The following GTF2E1 variants were observed in gnomAD, a reference collection of about 807,000 sequenced individuals.
GTF2E1 encodes TFIIE alpha subunit.
GTF2E1 carries 14 observed loss-of-function variants against 34.9 expected under a neutral mutation model. The observed-to-expected ratio is 0.40, with a 90% CI of 0.27 to 0.63. The LOEUF is 0.63. Among genes scored for constraint, GTF2E1 ranks in the 20% least tolerant of loss-of-function variants. The pLI is 0.39. For missense variants in GTF2E1, 469 were observed against 557.7 expected (o/e 0.84, Z 1.60); for synonymous variants, 188 against 192.9 (o/e 0.97, Z 0.21).
intron 1 of GTF2E1, among the ~76,000 whole-genome samples, chr3:120,744,918 C>T (rs1217156823): frequency 1.3e-5 from 2 of 150,884 alleles, no homozygotes; most frequent in African/African-American, 4.8e-5. Context: ...AGCAGGGCAC[C>T]ATTAATCACT....
At chr3:120,758,581 C>CA (rs1190652707) in intron 2 of GTF2E1, among the ~76,000 whole-genome samples, 1 of 110,838 alleles carries the variant, frequency 9.0e-6, no homozygotes, top group East Asian at 2.6e-4. Context: ...CAGCCTCCCA[C>CA]CCCCGACAGG....
chr3:120,771,080 A>G (rs1483296315), intron 3 of GTF2E1, 151 bp downstream of exon 3: 18 of 692,880 alleles, frequency 2.6e-5, no homozygotes. Flanking sequence ...CATTTGTCTG[A>G]TTAACGTGTG....
intron 2 of GTF2E1, among the ~76,000 whole-genome samples, chr3:120,762,549 A>G (rs1448469303): frequency 6.6e-6 from 1 of 152,214 alleles, no homozygotes; most frequent in African/African-American, 2.4e-5. Flanking sequence ...TGCTTGGTCA[A>G]CTTTTCATAA....
chr3:120,757,275 A>T (rs1709217674), intron 2 of GTF2E1, among the ~76,000 whole-genome samples: 1 of 152,224 alleles, frequency 6.6e-6, no homozygotes, highest in Admixed American at 6.5e-5. Context: ...ATGATGCATG[A>T]TTAGACCAAA....
intron 2 of GTF2E1, among the ~76,000 whole-genome samples, chr3:120,766,239 A>G (rs912131413): frequency 4.6e-5 from 7 of 152,140 alleles, no homozygotes; most frequent in African/African-American, 1.7e-4. Flanking sequence ...CTGAGTATAA[A>G]TTCCACTGGG....
At position 120,755,382 on chromosome 3, in the gene GTF2E1, A is replaced by C. The variant is rs138209440; in HGVS notation, c.448+4382A>C. ...CATTTAAAAATTTTTAAGATTCTCT[A>C]TTTGTGAGACTTGATTAAAGAGTTT... is the stretch of plus-strand genomic sequence containing the variant. On this transcript the variant is annotated intron_variant, in intron 2 of 4. Transcript: ENST00000283875. Among the ~76,000 whole-genome samples the C allele has an allele frequency of 6.3e-4, 96 of 152,178 alleles. 1 individual carries two copies. In the East Asian group the frequency reaches 0.012, roughly 18 times the overall value.
chr3:120,747,582 C>T (rs1576355002), intron 1 of GTF2E1, among the ~76,000 whole-genome samples: 3 of 152,186 alleles, frequency 2.0e-5, no homozygotes, highest in Non-Finnish European at 4.4e-5. Flanking sequence ...ATGAACTCAT[C>T]CTTTTTTATG....
In GTF2E1 at chr3:120,782,387, A is replaced by T. The variant is rs1709456292; in HGVS notation, c.*917A>T. On this transcript the variant is annotated 3_prime_UTR_variant, in exon 5 of 5. Coordinates refer to ENST00000283875, the MANE Select transcript of GTF2E1 (RefSeq NM_005513.3). Reference sequence around the variant, plus strand: ...AGAACTGACCAGACTGGTAGATTTTATTGTATTGCTTAATGTCTTTTGGTT... The same window carrying T: ...AGAACTGACCAGACTGGTAGATTTTTTTGTATTGCTTAATGTCTTTTGGTT... 6.6e-6 allele frequency: 1 copy of T among 152,200 alleles called. No homozygotes were observed. Among genetic ancestry groups the T allele is most frequent in the South Asian group, 2.1e-4 (1 of 4,828 alleles). The allele number at this position is 152,200 out of a possible 1,614,324, so 9.4% of individuals were successfully genotyped here. A position where few individuals can be genotyped will look rare whatever the true frequency, so the allele number is the denominator to read the frequency against.
At chr3:120,746,830 G>C (rs1178744441) in intron 1 of GTF2E1, among the ~76,000 whole-genome samples, 2 of 152,126 alleles carry the variant, frequency 1.3e-5, no homozygotes, top group African/African-American at 4.8e-5. Flanking sequence ...CTGTGGCCTA[G>C]GGAAATTTAA....
intron 4 of GTF2E1, 61 bp from the exon 5 acceptor site, chr3:120,780,982 A>C: frequency 9.5e-7 from 1 of 1,049,506 alleles, no homozygotes; most frequent in Non-Finnish European, 1.4e-6. Context: ...TATTGTCTAT[A>C]TGCTATAAAG....
intron 2 of GTF2E1, among the ~76,000 whole-genome samples, chr3:120,768,248 C>T (rs1709325062): frequency 6.6e-6 from 1 of 152,066 alleles, no homozygotes; most frequent in Non-Finnish European, 1.5e-5. Context: ...GAAGGCCTTA[C>T]TGGTGGCTTC....
chr3:120,758,585 C>CT (rs35042167), intron 2 of GTF2E1, among the ~76,000 whole-genome samples: 72,599 of 151,386 alleles, frequency 0.48, 18,730 homozygotes, highest in Non-Finnish European at 0.59. Flanking sequence ...CTCCCACCCC[C>CT]GACAGGCCCT....
intron 2 of GTF2E1, among the ~76,000 whole-genome samples, chr3:120,761,255 C>A (rs566247227): frequency 6.6e-6 from 1 of 152,104 alleles, no homozygotes; most frequent in Non-Finnish European, 1.5e-5. Flanking sequence ...TCTGTGGGAT[C>A]GGTGGTGATA....
At chr3:120,745,956 T>C (rs1397669424) in intron 1 of GTF2E1, among the ~76,000 whole-genome samples, 1 of 152,198 alleles carries the variant, frequency 6.6e-6, no homozygotes, top group African/African-American at 2.4e-5. Context: ...GGTGCTACTT[T>C]GTTATATCTT....
intron 2 of GTF2E1, among the ~76,000 whole-genome samples, chr3:120,753,077 T>C (rs1022440365): frequency 6.6e-6 from 1 of 152,174 alleles, no homozygotes; most frequent in African/African-American, 2.4e-5. Flanking sequence ...TTAGGTGATA[T>C]TAGGCTCTAG....
chr3:120,769,655 C>T (rs1363044476), intron 2 of GTF2E1, among the ~76,000 whole-genome samples: 1 of 152,120 alleles, frequency 6.6e-6, no homozygotes, highest in Non-Finnish European at 1.5e-5. Flanking sequence ...TTGCTTTTGT[C>T]TGTTCTCAGA....
intron 3 of GTF2E1, among the ~76,000 whole-genome samples, chr3:120,772,707 T>C (rs746831679): frequency 6.6e-6 from 1 of 152,160 alleles, no homozygotes; most frequent in Non-Finnish European, 1.5e-5. Context: ...ATCTGAATTA[T>C]TCTGATGTTT....
intron 4 of GTF2E1, among the ~76,000 whole-genome samples, chr3:120,778,753 A>G (rs1709421857): frequency 6.6e-6 from 1 of 152,184 alleles, no homozygotes; most frequent in Non-Finnish European, 1.5e-5. Flanking sequence ...GAAGCATGTT[A>G]AGACCAAAAA....
intron 2 of GTF2E1, among the ~76,000 whole-genome samples, chr3:120,758,834 G>T (rs1490929786): frequency 6.6e-6 from 1 of 152,112 alleles, no homozygotes; most frequent in East Asian, 1.9e-4. Context: ...CAGTCATTTG[G>T]GTTGGTTCCA....
Sources: allele counts gnomAD v4.1 joint callset (sites outside exome capture counted in the v4.1 genomes callset), GRCh38; gene constraint gnomAD v4.1.1; transcripts MANE v1.5; gene names NCBI Gene and HGNC (gene_info 2026-07-23, HGNC 2026-07-21).